FTSJ3: variants seen among roughly 807,000 people sequenced by gnomAD.
FTSJ3 encodes pre-rRNA 2'-O-ribose RNA methyltransferase FTSJ3.
FTSJ3 carries 46 observed loss-of-function variants against 111.5 expected under a neutral mutation model. The ratio of observed to expected loss-of-function variants is 0.41; its 90% CI spans 0.33 to 0.53. The LOEUF (loss-of-function observed/expected upper bound fraction) is 0.53, where lower values mean the gene tolerates loss of function less well. FTSJ3 is among the 20% of genes least tolerant of loss of function. The pLI is 0.19. For synonymous variants in FTSJ3, 408 were observed against 383.0 expected (o/e 1.07, Z -0.76); for missense variants, 1,075 against 1,063.8 (o/e 1.01, Z -0.15).
chr17:63,822,015 T>C lies in FTSJ3; in HGVS notation c.1444A>G (p.Arg482Gly), dbSNP rs756239766. 27 of 1,614,016 alleles carry C rather than the reference T, an allele frequency of 1.7e-5. No homozygotes were observed. The highest frequency in any genetic ancestry group is 2.2e-5 in the Non-Finnish European group (26 of 1,180,020). Residue 482 changes from arginine (R) to glycine (G), a missense_variant, in exon 14 of 21, where the codon AGG (arginine) becomes GGG (glycine). Arg to Gly is a moderately radical substitution (Grantham distance 125, BLOSUM62 -2). This residue lies in a region of FTSJ3 where 867 missense variants were observed against 796.9 expected (regional missense o/e 1.09). Coordinates refer to ENST00000427159, the MANE Select transcript of FTSJ3 (RefSeq NM_017647.4). Reference sequence around the variant, plus strand: ...TGGTCCCTTAGACCCTGATGTCCCCTGACTCCTGCCAGCTCCTCTGGATCC... The same window carrying C: ...TGGTCCCTTAGACCCTGATGTCCCCCGACTCCTGCCAGCTCCTCTGGATCC... ...DLDPEELAGV[R>G]GHQGLRDQKR...
intron 5 of FTSJ3, 74 bp from the exon 6 acceptor site, chr17:63,825,709 C>T (rs953844581): frequency 1.4e-5 from 20 of 1,383,762 alleles, no homozygotes; most frequent in Non-Finnish European, 1.9e-5. Flanking sequence ...TCCATCTAGT[C>T]ATTTGCTGAG....
At chr17:63,825,946 G>C (rs889448823) in intron 5 of FTSJ3, 110 bp downstream of exon 5, 8 of 867,784 alleles carry the variant, frequency 9.2e-6, no homozygotes, top group Middle Eastern at 3.6e-4. Flanking sequence ...ACAGATGTCA[G>C]GCAAGAACGT....
chr17:63,823,886 C>G lies in FTSJ3; in HGVS notation c.1221G>C (p.Leu407=). ...CCTCGTCTGCAATGGAAACCCCAGG[C>G]AGATCCATCTTCAGCTCCACACGCT... ...QRERVELKMD[L]PGVSIADEGE... Residue 407 remains leucine, a synonymous_variant, in exon 13 of 21, where the codon CTG becomes CTC. Coordinates refer to ENST00000427159, the MANE Select transcript of FTSJ3 (RefSeq NM_017647.4). The G allele has an allele frequency of 6.2e-7, 1 of 1,614,206 alleles. No homozygotes were observed. The highest frequency in any genetic ancestry group is 8.5e-7 in the Non-Finnish European group (1 of 1,180,038).
At chr17:63,825,463 G>A (rs772051264) in intron 6 of FTSJ3, 27 bp from the exon 7 acceptor site, 3 of 1,612,952 alleles carry the variant, frequency 1.9e-6, no homozygotes, top group Non-Finnish European at 2.5e-6. Flanking sequence ...ATTAGTTGAC[G>A]CACTCTGCAG....
At position 63,819,877 on chromosome 17, in the gene FTSJ3, C is replaced by A. The variant is rs1202949882; in HGVS notation, c.2469G>T (p.Val823=). 1 of 1,614,178 alleles carries A rather than the reference C, an allele frequency of 6.2e-7. No homozygotes were observed. The highest frequency in any genetic ancestry group is 1.1e-5 in the South Asian group (1 of 91,082). The change falls in exon 21 of 21, where the codon GTG becomes GTT. Residue 823 remains valine, a synonymous_variant. Transcript: ENST00000427159. Reference sequence around the variant, plus strand: ...GGTCCTTCTTCATCCTTGAGTCCACCACCTTGAAATGACCTCTGACTCCAG... The same window carrying A: ...GGTCCTTCTTCATCCTTGAGTCCACAACCTTGAAATGACCTCTGACTCCAG... ...RPAGVRGHFK[V]VDSRMKKDQR... is the part of the protein sequence containing the mutation.
chr17:63,824,875 C>A lies in FTSJ3; in HGVS notation c.766G>T (p.Asp256Tyr), dbSNP rs1460467110. 6.3e-7 allele frequency: 1 copy of A among 1,599,932 alleles called. No homozygotes were observed. The highest frequency in any genetic ancestry group is 1.3e-5 in the African/African-American group (1 of 74,796). ...LTLYHRTSVT[D>Y]FLRAANPVDF... is the part of the protein sequence containing the mutation. ...ACAGGGTTGGCAGCTCGGAGGAAGT[C>A]AGTGACTGAGGTACGGTGATAGAGA... Residue 256 changes from aspartate to tyrosine, a missense_variant, in exon 9 of 21, where the codon GAC (aspartate) becomes TAC (tyrosine). Physicochemically the swap from Asp to Tyr is radical, Grantham distance 160. Around this residue, in one of 2 missense-constraint regions of FTSJ3, gnomAD observed 867 missense variants for 796.9 expected, o/e 1.09. Transcript: ENST00000427159.
At position 63,824,813 on chromosome 17, in the gene FTSJ3, C is replaced by T. The variant is rs1355676543; in HGVS notation, c.816+12G>A. On this transcript the variant is annotated intron_variant, in intron 9 of 20. Coordinates refer to ENST00000427159, the MANE Select transcript of FTSJ3 (RefSeq NM_017647.4). ...TGGGGCTACCTCATGTCCCTCAAGG[C>T]TGGAGACTCACTTCGCTGGCCTTGG... is the stretch of plus-strand genomic sequence containing the variant. 2.0e-5 allele frequency: 32 copies of T among 1,611,154 alleles called. No individual in the cohort carries two copies. Among genetic ancestry groups the T allele is most frequent in the Non-Finnish European group, 2.6e-5 (31 of 1,177,484 alleles).
In FTSJ3 at chr17:63,825,178, A is replaced by T; in HGVS notation, c.596-15T>A. On this transcript the variant is annotated splice_polypyrimidine_tract_variant and intron_variant, in intron 7 of 20. Transcript: ENST00000427159. ...GGCCAGGAATCCTAAAAATGACAGG[A>T]TATATTAAAAAGTGTGCTTTGGGAG... The T allele has an allele frequency of 6.2e-7, 1 of 1,613,908 alleles. No individual in the cohort carries two copies. The highest frequency in any genetic ancestry group is 1.1e-5 in the South Asian group (1 of 91,072).
rs766537780 is a variant in FTSJ3, at chr17:63,826,271, G to A, written c.207C>T (p.Ser69=). 9 of 1,613,984 alleles carry A rather than the reference G, an allele frequency of 5.6e-6. No individual in the cohort carries two copies. The highest frequency in any genetic ancestry group is 7.6e-6 in the Non-Finnish European group (9 of 1,179,976). The change falls in exon 4 of 21, where the codon TCC becomes TCT. Residue 69 remains serine (S), a synonymous_variant. Coordinates refer to ENST00000427159, the MANE Select transcript of FTSJ3 (RefSeq NM_017647.4). ...TCCGTTACTCACCCACAATAAGGCT[G>A]GATACAGGCATAAACTTGGCAGCTA... ...LQVAAKFMPV[S]SLIVGVDLVP... is the part of the protein sequence containing the mutation.
In FTSJ3 at chr17:63,825,589, T is replaced by C. The variant is rs199562110; in HGVS notation, c.347A>G (p.Asn116Ser). 3.1e-4 allele frequency: 493 copies of C among 1,614,058 alleles called. 1 individual carries two copies. The highest frequency in any genetic ancestry group is 3.4e-4 in the Non-Finnish European group (396 of 1,180,032). Residue 116 changes from asparagine to serine, a missense_variant, in exon 6 of 21, where the codon AAT becomes AGT. Coordinates refer to ENST00000427159, the MANE Select transcript of FTSJ3 (RefSeq NM_017647.4). ...AGCCCCAACGTTGGGGGCCCCATCATTGAGCACAACATCAACCTTCCAGGT... is the reference window on the plus strand; with the variant it reads ...AGCCCCAACGTTGGGGGCCCCATCACTGAGCACAACATCAACCTTCCAGGT... ...LKTWKVDVVLNDGAPNVGASW... is the reference protein window; with the variant it reads ...LKTWKVDVVLSDGAPNVGASW...
At chr17:63,825,211 C>A in intron 7 of FTSJ3, 31 bp downstream of exon 7, 2 of 1,613,716 alleles carry the variant, frequency 1.2e-6, no homozygotes, top group Non-Finnish European at 1.7e-6. Flanking sequence ...GAGTTGGGAG[C>A]CTGGATCAAG....
At position 63,827,303 on chromosome 17, in the gene FTSJ3, C is replaced by T; in HGVS notation, c.-278G>A. On this transcript the variant is annotated 5_prime_UTR_variant, in exon 1 of 21. Coordinates refer to ENST00000427159, the MANE Select transcript of FTSJ3 (RefSeq NM_017647.4). ...AGGAGGAGTTCTACTCCTTCCTCAT[C>T]CCCTTCCAAAGCCCCTGAACTCGAG... 1 of 692,530 alleles carries T rather than the reference C, an allele frequency of 1.4e-6. No individual in the cohort carries two copies. Among genetic ancestry groups the T allele is most frequent in the Non-Finnish European group, 2.5e-6 (1 of 407,180 alleles). 42.9% of individuals were successfully genotyped at this position (692,530 alleles called of 1,614,324 possible). A position where few individuals can be genotyped will look rare whatever the true frequency, so the allele number is the denominator to read the frequency against.
At chr17:63,822,381 G>C (rs1188753911) in intron 13 of FTSJ3, among the ~76,000 whole-genome samples, 1 of 152,122 alleles carries the variant, frequency 6.6e-6, no homozygotes, top group Non-Finnish European at 1.5e-5. Context: ...ATCCCACTCA[G>C]CTGTCTTGTC....
In FTSJ3 at chr17:63,821,883, A is replaced by G. The variant is rs188776446; in HGVS notation, c.1476-40T>C. On this transcript the variant is annotated intron_variant, in intron 14 of 20. Coordinates refer to ENST00000427159, the MANE Select transcript of FTSJ3 (RefSeq NM_017647.4). ...GAAAGTAGGGGGCTCAGAGACCCAG[A>G]TTGCCTGGAGCCCTTGCTGCCCTAC... 427 of 1,613,966 alleles carry G rather than the reference A, an allele frequency of 2.6e-4. 1 individual carries two copies. In the African/African-American group the frequency reaches 4.9e-3, roughly 19 times the overall value.
Position 63,827,658 on chromosome 17 carries a change from G to C in FTSJ3, c.-633C>G, listed in dbSNP as rs1260258785. On this transcript the variant is annotated 5_prime_UTR_variant, in exon 1 of 21. Coordinates refer to ENST00000427159, the MANE Select transcript of FTSJ3 (RefSeq NM_017647.4). ...TCCATGCTGGACGCTGCCTGCGACC[G>C]GATCTGCTGTGTCAGCGCCGCCCTC... The C allele has an allele frequency of 1.3e-6, 2 of 1,493,854 alleles. No individual in the cohort carries two copies. Among genetic ancestry groups the C allele is most frequent in the African/African-American group, 2.8e-5 (2 of 71,404 alleles). The allele number at this position is 1,493,854 out of a possible 1,614,324, so 92.5% of individuals were successfully genotyped here.
rs2040087908 is a variant in FTSJ3 at position 63,825,359 on chromosome 17, G to A, written c.478C>T (p.Arg160Cys). The A allele has an allele frequency of 1.2e-6, 2 of 1,614,054 alleles. No individual in the cohort carries two copies. The highest frequency in any genetic ancestry group is 1.7e-6 in the Non-Finnish European group (2 of 1,180,046). The change falls in exon 7 of 21, where the codon CGT becomes TGT. Residue 160 changes from arginine (R) to cysteine (C), a missense_variant. By Grantham distance (180) the Arg-to-Cys change is radical. Around this residue, in one of 2 missense-constraint regions of FTSJ3, gnomAD observed 208 missense variants for 266.9 expected, o/e 0.78. Transcript: ENST00000427159. Reference sequence around the variant, plus strand: ...AGCAGAGGCTGATAGTCACGAGAACGGAAAACCTTTGTGATGAAGCTGCCA... The same window carrying A: ...AGCAGAGGCTGATAGTCACGAGAACAGAAAACCTTTGTGATGAAGCTGCCA... ...RGGSFITKVFRSRDYQPLLWI... is the reference protein window; with the variant it reads ...RGGSFITKVFCSRDYQPLLWI...
rs927631646 is a variant in FTSJ3, at chr17:63,827,361, T to C, written c.-336A>G. ...CCCTCCCATCATGGTTCCCTTAGTG[T>C]GGTCTCGCCGCACACCCCGCCCATT... On this transcript the variant is annotated 5_prime_UTR_variant, in exon 1 of 21. Transcript: ENST00000427159. 18 of 1,270,096 alleles carry C rather than the reference T, an allele frequency of 1.4e-5. No individual in the cohort carries two copies. The highest frequency in any genetic ancestry group is 1.9e-5 in the Non-Finnish European group (17 of 899,880). 78.7% of individuals were successfully genotyped at this position (1,270,096 alleles called of 1,614,324 possible).
Position 63,819,750 on chromosome 17 carries a change from C to G in FTSJ3, c.*52G>C. On this transcript the variant is annotated 3_prime_UTR_variant, in exon 21 of 21. Transcript: ENST00000427159. ...ATCAAGGGGGCCAGACTGAGCCATGCCACACCCTTCCTCCTAGTCCCCATG... is the reference window on the plus strand; with the variant it reads ...ATCAAGGGGGCCAGACTGAGCCATGGCACACCCTTCCTCCTAGTCCCCATG... 1 of 1,532,270 alleles carries G rather than the reference C, an allele frequency of 6.5e-7. No homozygotes were observed. The allele number at this position is 1,532,270 out of a possible 1,614,324, so 94.9% of individuals were successfully genotyped here.
chr17:63,821,838 C>T lies in FTSJ3; in HGVS notation c.1481G>A (p.Arg494Gln), dbSNP rs767462503. Residue 494 changes from arginine to glutamine, a missense_variant, in exon 15 of 21, where the codon CGA becomes CAA. This residue lies in a region of FTSJ3 where 867 missense variants were observed against 796.9 expected (regional missense o/e 1.09). Coordinates refer to ENST00000427159, the MANE Select transcript of FTSJ3 (RefSeq NM_017647.4). ...HQGLRDQKRMRLTEVQDDKEE... is the reference protein window; with the variant it reads ...HQGLRDQKRMQLTEVQDDKEE... ...TTTATCATCTTGCACTTCAGTAAGT[C>T]GCATACTGTAGACCCAAAGGAAAGT... The T allele has an allele frequency of 1.6e-5, 26 of 1,613,930 alleles. No homozygotes were observed. Among genetic ancestry groups the T allele is most frequent in the African/African-American group, 2.7e-5 (2 of 74,910 alleles).
Sources: gnomAD v4.1 joint callset for allele counts (sites outside exome capture counted in the v4.1 genomes callset) on GRCh38, gnomAD v4.1.1 for gene constraint, gnomAD v4.1.1 regional missense constraint, MANE v1.5 for transcripts, NCBI Gene and HGNC (gene_info 2026-07-23, HGNC 2026-07-21) for gene names.